The following STARD13 variants were observed in gnomAD, a reference collection of about 807,000 sequenced individuals.
The protein encoded by STARD13 is StAR related lipid transfer domain containing 13.
STARD13 carries 62 observed loss-of-function variants against 106.4 expected under a neutral mutation model. The ratio of observed to expected loss-of-function variants is 0.58; its 90% CI spans 0.48 to 0.72. The LOEUF is 0.72. Ranked by LOEUF, STARD13 falls within the 30% of genes least tolerant of loss-of-function variation. The probability of loss-of-function intolerance (pLI) is 0.00; values close to 1 mark genes in which losing one functional copy is unlikely to be tolerated. For synonymous variants in STARD13, 565 were observed against 553.0 expected (o/e 1.02, Z -0.31); for missense variants, 1,387 against 1,424.0 (o/e 0.97, Z 0.42).
chr13:33,498,484 G>A, the STARD13 span, among the ~76,000 whole-genome samples: 1 of 152,068 alleles, frequency 6.6e-6, no homozygotes, highest in East Asian at 1.9e-4. Flanking sequence ...AAGGTAATAG[G>A]ACCTCTATTA....
At chr13:33,465,207 T>A in the STARD13 span, among the ~76,000 whole-genome samples, 1 of 69,980 alleles carries the variant, frequency 1.4e-5, no homozygotes, top group African/African-American at 3.7e-5. Flanking sequence ...TCTTCTTTTT[T>A]TTTTTTTTTT....
At chr13:33,622,952 A>T in the STARD13 span, among the ~76,000 whole-genome samples, 1 of 150,338 alleles carries the variant, frequency 6.7e-6, no homozygotes, top group African/African-American at 2.4e-5. Flanking sequence ...TGCAAAAATC[A>T]GCTGGGTGTG....
the STARD13 span, among the ~76,000 whole-genome samples, chr13:33,543,304 A>G: frequency 6.6e-6 from 1 of 152,162 alleles, no homozygotes; most frequent in Non-Finnish European, 1.5e-5. Context: ...TATGTTAGGA[A>G]CCCATCGAGA....
At chr13:33,236,295 T>G (rs1335801545) in intron 1 of STARD13, among the ~76,000 whole-genome samples, 2 of 152,202 alleles carry the variant, frequency 1.3e-5, no homozygotes, top group Non-Finnish European at 2.9e-5. Flanking sequence ...TGCATTCTCT[T>G]CTGACTTGGT....
At chr13:33,446,273 A>C in the STARD13 span, among the ~76,000 whole-genome samples, 1 of 152,150 alleles carries the variant, frequency 6.6e-6, no homozygotes, top group South Asian at 2.1e-4. Context: ...TTTCTGCAAA[A>C]ATTCTATATA....
intron 1 of STARD13, among the ~76,000 whole-genome samples, chr13:33,260,850 G>T (rs1890605771): frequency 6.6e-6 from 1 of 152,148 alleles, no homozygotes; most frequent in Non-Finnish European, 1.5e-5. Flanking sequence ...AATAAATGGA[G>T]AATCAGAATT....
At chr13:33,312,107 T>C (rs920421980) in intron 1 of STARD13, among the ~76,000 whole-genome samples, 1 of 152,244 alleles carries the variant, frequency 6.6e-6, no homozygotes, top group African/African-American at 2.4e-5. Context: ...TGTTTTGTTT[T>C]ACACAATATA....
chr13:33,622,931 AAG>A, the STARD13 span, among the ~76,000 whole-genome samples: 2 of 141,332 alleles, frequency 1.4e-5, no homozygotes, highest in African/African-American at 3.0e-5. Flanking sequence ...AAAAAAAAAA[AAG>A]AAAGAAAATG....
chr13:33,233,910 G>A (rs576361037), intron 1 of STARD13, among the ~76,000 whole-genome samples: 15 of 152,306 alleles, frequency 9.8e-5, no homozygotes, highest in South Asian at 2.1e-4. Flanking sequence ...GCTTGCTCAC[G>A]TGCTCCCTCC....
chr13:33,240,379 C>T (rs1889411088), intron 1 of STARD13, among the ~76,000 whole-genome samples: 1 of 152,080 alleles, frequency 6.6e-6, no homozygotes, highest in Non-Finnish European at 1.5e-5. Flanking sequence ...CCTTTGAGAT[C>T]CCACATCCAT....
chr13:33,257,534 C>T (rs1890427168), intron 1 of STARD13, among the ~76,000 whole-genome samples: 2 of 151,876 alleles, frequency 1.3e-5, no homozygotes, highest in South Asian at 4.2e-4. Context: ...AGCCCTGGAG[C>T]CTGAAGACAT....
At chr13:33,308,013 T>C (rs1040964988) in intron 1 of STARD13, among the ~76,000 whole-genome samples, 7 of 152,160 alleles carry the variant, frequency 4.6e-5, no homozygotes, top group African/African-American at 1.7e-4. Flanking sequence ...CATTCCATCA[T>C]TGGATTTCTT....
At chr13:33,285,380 GAAAC>G (rs1355273196) in intron 1 of STARD13, 86 bp downstream of exon 1, 12 of 1,372,912 alleles carry the variant, frequency 8.7e-6, no homozygotes, top group African/African-American at 8.7e-5. Flanking sequence ...TTATAAAGTG[GAAAC>G]AAACAAACAA....
chr13:33,203,224 A>T lies in STARD13; in HGVS notation c.170-35602T>A, dbSNP rs182466619. Among the ~76,000 whole-genome samples, 609 of 129,066 alleles carry T rather than the reference A, an allele frequency of 4.7e-3. 6 individuals carry two copies. Among genetic ancestry groups the T allele is most frequent in the African/African-American group, 0.018 (594 of 32,380 alleles). The allele number at this position is 129,066 out of a possible 152,430, so 84.7% of individuals were successfully genotyped here. ...TGTTCACAGAACAGGGTGCGTGGTG[A>T]TTCTCTGTACTGGCAGGTCTGGCTT... On this transcript the variant is annotated intron_variant, in intron 1 of 13. Coordinates refer to ENST00000336934, the MANE Select transcript of STARD13 (RefSeq NM_178006.4).
At chr13:33,232,702 C>A (rs1252888537) in intron 1 of STARD13, among the ~76,000 whole-genome samples, 1 of 152,202 alleles carries the variant, frequency 6.6e-6, no homozygotes, top group Non-Finnish European at 1.5e-5. Flanking sequence ...TAGAAATTGA[C>A]CCTCTGAATT....
At chr13:33,498,623 T>A in the STARD13 span, among the ~76,000 whole-genome samples, 1 of 152,184 alleles carries the variant, frequency 6.6e-6, no homozygotes, top group African/African-American at 2.4e-5. Context: ...TAAAATAACA[T>A]CTTTGCAAGA....
chr13:33,234,559 T>A (rs943932793), intron 1 of STARD13, among the ~76,000 whole-genome samples: 52 of 152,244 alleles, frequency 3.4e-4, no homozygotes, highest in African/African-American at 1.1e-3. Context: ...AAATTAACTA[T>A]GAAGTTTGAG....
At chr13:33,283,992 T>C (rs1381083419) in intron 1 of STARD13, among the ~76,000 whole-genome samples, 1 of 152,244 alleles carries the variant, frequency 6.6e-6, no homozygotes, top group Non-Finnish European at 1.5e-5. Context: ...TTGTAGATGA[T>C]AGCGCATCAT....
chr13:33,601,687 G>A, the STARD13 span, among the ~76,000 whole-genome samples: 1 of 152,152 alleles, frequency 6.6e-6, no homozygotes, highest in South Asian at 2.1e-4. Flanking sequence ...AAACCTGAGT[G>A]TTCTGATTCC....
Sources: allele counts gnomAD v4.1 joint callset (sites outside exome capture counted in the v4.1 genomes callset), GRCh38; gene constraint gnomAD v4.1.1; transcripts MANE v1.5; gene names NCBI Gene and HGNC (gene_info 2026-07-23, HGNC 2026-07-21).